The following PLGRKT variants were observed in gnomAD, a reference collection of about 807,000 sequenced individuals.
PLGRKT encodes the protein plasminogen receptor (KT).
PLGRKT carries 22 observed loss-of-function variants against 18.5 expected under a neutral mutation model. The ratio of observed to expected loss-of-function variants is 1.19; its 90% CI spans 0.85 to 1.70. The LOEUF (loss-of-function observed/expected upper bound fraction) is 1.70. Ranked by LOEUF, PLGRKT falls within the 40% of genes most tolerant of loss-of-function variation. PLGRKT has a pLI of 0.00. For missense variants in PLGRKT, 235 were observed against 174.4 expected, an observed-to-expected ratio of 1.35 and a Z score of -1.96; for synonymous variants, 72 against 52.8, an observed-to-expected ratio of 1.36 and a Z score of -1.58.
chr9:5,422,801 T>C (rs1476720325), intron 3 of PLGRKT, among the ~76,000 whole-genome samples: 1 of 152,092 alleles, frequency 6.6e-6, no homozygotes, highest in Non-Finnish European at 1.5e-5. Context: ...GAAGATGGAA[T>C]AGAAGAAAAA....
intron 3 of PLGRKT, among the ~76,000 whole-genome samples, chr9:5,391,563 G>A (rs577465133): frequency 1.3e-5 from 2 of 151,756 alleles, no homozygotes; most frequent in Admixed American, 6.6e-5. Context: ...GGTGTAGACC[G>A]AACTCTGCTT....
intron 3 of PLGRKT, among the ~76,000 whole-genome samples, chr9:5,389,102 G>T (rs761343397): frequency 4.0e-5 from 6 of 151,872 alleles, no homozygotes; most frequent in African/African-American, 9.7e-5. Context: ...TTAGATATTT[G>T]GAGGAGGGCC....
In PLGRKT at chr9:5,365,872, G is replaced by A. The variant is rs544248918; in HGVS notation, c.82-3984C>T. ...ATGAACAAATATTATATTCTGAGTC[G>A]GTTCCCTTACTGTTAAGAATAAAGG... On this transcript the variant is annotated intron_variant, in intron 3 of 5. Transcript: ENST00000223864. Among the ~76,000 whole-genome samples the A allele has an allele frequency of 5.3e-5, 8 of 152,024 alleles. No homozygotes were observed. The South Asian group carries it at 1.0e-3, about 20-fold the overall frequency.
intron 3 of PLGRKT, among the ~76,000 whole-genome samples, chr9:5,425,017 T>C (rs991079775): frequency 3.9e-5 from 6 of 152,156 alleles, no homozygotes; most frequent in Non-Finnish European, 8.8e-5. Flanking sequence ...CTAGATCTCA[T>C]GCATTTTTAA....
intron 3 of PLGRKT, among the ~76,000 whole-genome samples, chr9:5,405,403 T>A (rs917593041): frequency 2.0e-5 from 3 of 152,036 alleles, no homozygotes; most frequent in African/African-American, 7.2e-5. Context: ...CTGGTATTTT[T>A]AAAATAGACA....
At chr9:5,394,334 T>C (rs1818005428) in intron 3 of PLGRKT, among the ~76,000 whole-genome samples, 1 of 151,828 alleles carries the variant, frequency 6.6e-6, no homozygotes, top group African/African-American at 2.4e-5. Flanking sequence ...ATGGCTCAGG[T>C]GCAGGGAAAT....
chr9:5,425,948 T>C (rs1191777678), intron 3 of PLGRKT, among the ~76,000 whole-genome samples: 3 of 152,236 alleles, frequency 2.0e-5, no homozygotes, highest in African/African-American at 7.2e-5. Flanking sequence ...TTTATCCTTC[T>C]CATGAGGTGC....
intron 3 of PLGRKT, among the ~76,000 whole-genome samples, chr9:5,399,502 A>G (rs1056918482): frequency 1.3e-5 from 2 of 151,862 alleles, no homozygotes; most frequent in African/African-American, 4.9e-5. Flanking sequence ...CTTGCAAGTG[A>G]CAGTTAGTGA....
At chr9:5,411,233 A>C (rs1003444330) in intron 3 of PLGRKT, among the ~76,000 whole-genome samples, 1 of 151,922 alleles carries the variant, frequency 6.6e-6, no homozygotes, top group African/African-American at 2.4e-5. Context: ...AAAATACAAA[A>C]ATTAGCCGGG....
chr9:5,412,987 G>C, intron 3 of PLGRKT, among the ~76,000 whole-genome samples: 1 of 152,124 alleles, frequency 6.6e-6, no homozygotes, highest in East Asian at 1.9e-4. Context: ...GTGAGAAAAT[G>C]TTCAAACTCA....
chr9:5,407,763 C>T (rs989860940), intron 3 of PLGRKT, among the ~76,000 whole-genome samples: 2 of 152,022 alleles, frequency 1.3e-5, no homozygotes, highest in African/African-American at 4.8e-5. Flanking sequence ...CCCTAGGAAC[C>T]AAGTTAGATA....
At chr9:5,398,118 G>C (rs1818088733) in intron 3 of PLGRKT, among the ~76,000 whole-genome samples, 1 of 151,904 alleles carries the variant, frequency 6.6e-6, no homozygotes. Context: ...CAATGAATAA[G>C]ATCCCTTCCA....
At chr9:5,413,054 C>T (rs1325422487) in intron 3 of PLGRKT, among the ~76,000 whole-genome samples, 1 of 152,140 alleles carries the variant, frequency 6.6e-6, no homozygotes, top group African/African-American at 2.4e-5. Flanking sequence ...TCTTGCTTGT[C>T]AGGCTAGCAA....
intron 3 of PLGRKT, chr9:5,392,761 T>G (rs1172834545): frequency 6.6e-6 from 1 of 151,948 alleles, no homozygotes; most frequent in Non-Finnish European, 1.5e-5. Context: ...CAGTAAAAAT[T>G]AACTACTATG....
chr9:5,390,882 A>G (rs1817937884), intron 3 of PLGRKT, among the ~76,000 whole-genome samples: 1 of 151,966 alleles, frequency 6.6e-6, no homozygotes, highest in Admixed American at 6.5e-5. Context: ...AAATCTTCAA[A>G]AAGAAAAAAG....
chr9:5,358,215 G>C lies in PLGRKT; in HGVS notation c.*24C>G. On this transcript the variant is annotated 3_prime_UTR_variant, in exon 6 of 6. Transcript: ENST00000223864. ...ATTCAAGTCAATAATTCTGTGCTTT[G>C]AGATTTGATTGGTAAGCATGATTTC... 1 of 1,585,660 alleles carries C rather than the reference G, an allele frequency of 6.3e-7. No individual in the cohort carries two copies. The highest frequency in any genetic ancestry group is 8.6e-7 in the Non-Finnish European group (1 of 1,158,174).
chr9:5,390,731 T>C (rs2131109465), intron 3 of PLGRKT, among the ~76,000 whole-genome samples: 1 of 151,952 alleles, frequency 6.6e-6, no homozygotes, highest in South Asian at 2.1e-4. Flanking sequence ...GGCTGTTGTG[T>C]GACTTAGAGA....
chr9:5,384,612 G>A (rs529329843), intron 3 of PLGRKT, among the ~76,000 whole-genome samples: 1 of 152,208 alleles, frequency 6.6e-6, no homozygotes, highest in South Asian at 2.1e-4. Flanking sequence ...TGAATCATCT[G>A]TGGAAGAGAA....
chr9:5,372,995 A>G (rs1012731787), intron 3 of PLGRKT, among the ~76,000 whole-genome samples: 1 of 152,190 alleles, frequency 6.6e-6, no homozygotes, highest in Non-Finnish European at 1.5e-5. Flanking sequence ...TCCAAAGCCA[A>G]AGTTTGCCGT....
Sources: allele counts gnomAD v4.1 joint callset (sites outside exome capture counted in the v4.1 genomes callset), GRCh38; gene constraint gnomAD v4.1.1; transcripts MANE v1.5; gene names NCBI Gene and HGNC (gene_info 2026-07-23, HGNC 2026-07-21).